SLIT2: variants seen among roughly 807,000 people sequenced by gnomAD.
The protein encoded by SLIT2 is slit homolog 2 protein.
SLIT2 carries 41 observed loss-of-function variants against 185.7 expected under a neutral mutation model. The observed-to-expected ratio is 0.22, with a 90% CI of 0.17 to 0.29. The LOEUF (loss-of-function observed/expected upper bound fraction) is 0.29, where lower values mean the gene tolerates loss of function less well. Among genes scored for constraint, SLIT2 ranks in the 10% least tolerant of loss-of-function variants. The pLI is 1.00. For missense variants in SLIT2, 1,571 were observed against 1,909.0 expected, an observed-to-expected ratio of 0.82 and a Z score of 3.30; for synonymous variants, 693 against 680.2, an observed-to-expected ratio of 1.02 and a Z score of -0.29.
At chr4:20,470,436 A>C (rs1714856823) in intron 5 of SLIT2, among the ~76,000 whole-genome samples, 1 of 151,034 alleles carries the variant, frequency 6.6e-6, no homozygotes, top group Admixed American at 6.6e-5. Context: ...GCTTGAAGTT[A>C]TCAGGGAATG....
intron 4 of SLIT2, among the ~76,000 whole-genome samples, chr4:20,409,744 CT>C (rs1189333426): frequency 6.6e-6 from 1 of 152,128 alleles, no homozygotes; most frequent in Non-Finnish European, 1.5e-5. Flanking sequence ...TGTTTTTTAA[CT>C]TTTTAATAAT....
At chr4:20,344,638 T>TAA (rs1560336738) in intron 4 of SLIT2, among the ~76,000 whole-genome samples, 5 of 152,194 alleles carry the variant, frequency 3.3e-5, no homozygotes, top group African/African-American at 1.2e-4. Context: ...TTTGTATCCT[T>TAA]TTTCTGTCTC....
At chr4:20,410,945 G>A (rs553899428) in intron 4 of SLIT2, among the ~76,000 whole-genome samples, 1 of 152,148 alleles carries the variant, frequency 6.6e-6, no homozygotes, top group Admixed American at 6.5e-5. Context: ...TTCTAATTCT[G>A]TAAAGAATGT....
At chr4:20,319,601 C>A (rs1435784555) in intron 4 of SLIT2, among the ~76,000 whole-genome samples, 2 of 151,796 alleles carry the variant, frequency 1.3e-5, no homozygotes, top group Non-Finnish European at 2.9e-5. Flanking sequence ...TTAAGTAATT[C>A]CAGTATGGAA....
At chr4:20,513,094 A>G (rs1251510901) in intron 11 of SLIT2, among the ~76,000 whole-genome samples, 1 of 152,226 alleles carries the variant, frequency 6.6e-6, no homozygotes, top group Admixed American at 6.5e-5. Context: ...GTAAAATAAC[A>G]TGCTTGCTAC....
intron 26 of SLIT2, among the ~76,000 whole-genome samples, chr4:20,558,852 T>A (rs1435433019): frequency 6.6e-6 from 1 of 152,040 alleles, no homozygotes; most frequent in Admixed American, 6.6e-5. Flanking sequence ...ACTAGTTACA[T>A]AGGATTATAG....
intron 4 of SLIT2, among the ~76,000 whole-genome samples, chr4:20,272,216 C>T (rs577820755): frequency 6.7e-6 from 1 of 149,932 alleles, no homozygotes; most frequent in African/African-American, 2.5e-5. Context: ...CACTTGTTGA[C>T]AGATGGAAAG....
chr4:20,506,313 T>C (rs1263781337), intron 9 of SLIT2, among the ~76,000 whole-genome samples: 2 of 151,988 alleles, frequency 1.3e-5, no homozygotes, highest in Non-Finnish European at 2.9e-5. Context: ...ATCTCTTAAT[T>C]ATGGTGGATT....
At chr4:20,476,149 T>C (rs1179287758) in intron 5 of SLIT2, among the ~76,000 whole-genome samples, 1 of 152,126 alleles carries the variant, frequency 6.6e-6, no homozygotes, top group Non-Finnish European at 1.5e-5. Context: ...TTATACTCTA[T>C]ATCATAATTT....
intron 4 of SLIT2, among the ~76,000 whole-genome samples, chr4:20,363,370 T>A (rs1722884957): frequency 6.6e-6 from 1 of 152,160 alleles, no homozygotes; most frequent in Non-Finnish European, 1.5e-5. Flanking sequence ...GTTTCTGCAT[T>A]ACCATAATTA....
At chr4:20,268,332 T>G (rs138405979) in intron 3 of SLIT2, among the ~76,000 whole-genome samples, 1 of 151,626 alleles carries the variant, frequency 6.6e-6, no homozygotes, top group African/African-American at 2.4e-5. Flanking sequence ...TGACAATTTC[T>G]CACACCTTTT....
intron 29 of SLIT2, among the ~76,000 whole-genome samples, chr4:20,584,144 C>G (rs948015183): frequency 6.6e-6 from 1 of 152,088 alleles, no homozygotes; most frequent in Non-Finnish European, 1.5e-5. Flanking sequence ...TTTTTTAGAG[C>G]CACAGTTAAC....
In SLIT2 at chr4:20,257,894, C is replaced by T. The variant is rs201818440; in HGVS notation, c.278C>T (p.Thr93Ile). The change falls in exon 3 of 37, where the codon ACC becomes ATC. Residue 93 changes from threonine to isoleucine, a missense_variant. Around this residue, in one of 3 missense-constraint regions of SLIT2, gnomAD observed 1,202 missense variants for 1,416.4 expected, o/e 0.85. Coordinates refer to ENST00000504154, the MANE Select transcript of SLIT2 (RefSeq NM_004787.4). ...CAGCTTATGGAGAATAAGATTAGCACCATTGAAAGAGGAGCATTCCAGGAT... is the reference window on the plus strand; with the variant it reads ...CAGCTTATGGAGAATAAGATTAGCATCATTGAAAGAGGAGCATTCCAGGAT... ...VLQLMENKIS[T>I]IERGAFQDLK... 6 of 1,573,932 alleles carry T rather than the reference C, an allele frequency of 3.8e-6. No homozygotes were observed. In the Admixed American group the frequency reaches 1.0e-4, roughly 27 times the overall value.
chr4:20,586,983 A>T (rs1266520920), intron 29 of SLIT2, among the ~76,000 whole-genome samples: 1 of 152,144 alleles, frequency 6.6e-6, no homozygotes, highest in African/African-American at 2.4e-5. Context: ...ATGTTTTTGT[A>T]ATATTTGTTA....
intron 9 of SLIT2, among the ~76,000 whole-genome samples, chr4:20,493,706 C>T (rs1717987889): frequency 1.3e-5 from 2 of 152,264 alleles, no homozygotes; most frequent in African/African-American, 2.4e-5. Context: ...CCATCTAAAA[C>T]TAAGGGCGGT....
intron 15 of SLIT2, 27 bp downstream of exon 15, chr4:20,525,199 A>T: frequency 6.5e-7 from 1 of 1,546,308 alleles, no homozygotes; most frequent in Non-Finnish European, 8.9e-7. Flanking sequence ...AGTAGGACTA[A>T]CTACAGACAC....
chr4:20,489,332 A>G (rs1717561118), intron 8 of SLIT2, among the ~76,000 whole-genome samples: 1 of 152,262 alleles, frequency 6.6e-6, no homozygotes, highest in Non-Finnish European at 1.5e-5. Flanking sequence ...AAAAATGATT[A>G]GCTAATCCTG....
At chr4:20,466,593 T>A (rs1041397964) in intron 4 of SLIT2, among the ~76,000 whole-genome samples, 1 of 152,190 alleles carries the variant, frequency 6.6e-6, no homozygotes. Flanking sequence ...GACCACACAC[T>A]AAATCTCCGT....
chr4:20,399,515 T>C (rs943832817), intron 4 of SLIT2, among the ~76,000 whole-genome samples: 1 of 151,698 alleles, frequency 6.6e-6, no homozygotes, highest in Non-Finnish European at 1.5e-5. Context: ...TGTAAAGTGA[T>C]CGGAATAATA....
Sources: allele counts gnomAD v4.1 joint callset (sites outside exome capture counted in the v4.1 genomes callset), GRCh38; gene constraint gnomAD v4.1.1; regional missense constraint gnomAD v4.1.1; transcripts MANE v1.5; gene names NCBI Gene and HGNC (gene_info 2026-07-23, HGNC 2026-07-21).